STK32B: variants seen among roughly 807,000 people sequenced by gnomAD.
STK32B encodes serine/threonine kinase 32B.
A neutral mutation model predicts 52.6 loss-of-function variants in STK32B; 43 were observed. That is an observed-to-expected ratio of 0.82 (90% CI 0.64 to 1.05). STK32B has a LOEUF of 1.05. STK32B is among the 50% of genes least tolerant of loss of function. The pLI, the probability that STK32B is intolerant of heterozygous loss-of-function variation, is 0.00. For missense variants in STK32B, 621 were observed against 534.6 expected, an observed-to-expected ratio of 1.16 and a Z score of -1.59; for synonymous variants, 238 against 204.3, an observed-to-expected ratio of 1.17 and a Z score of -1.41.
intron 3 of STK32B, among the ~76,000 whole-genome samples, chr4:5,302,680 T>G (rs2108899090): frequency 6.6e-6 from 1 of 152,222 alleles, no homozygotes; most frequent in East Asian, 1.9e-4. Context: ...AGCAGTGATT[T>G]CCGAGATTCT....
intron 4 of STK32B, among the ~76,000 whole-genome samples, chr4:5,343,776 A>G (rs1733262396): frequency 6.6e-6 from 1 of 152,216 alleles, no homozygotes; most frequent in Non-Finnish European, 1.5e-5. Flanking sequence ...CATTAGAGTG[A>G]ATAGGCAACC....
chr4:5,251,549 C>G (rs529868044), intron 3 of STK32B, among the ~76,000 whole-genome samples: 11 of 152,098 alleles, frequency 7.2e-5, no homozygotes, highest in Admixed American at 1.3e-4. Context: ...CTTAGTATTC[C>G]TTAGTTATTC....
At chr4:5,461,249 GAC>G (rs943576836) in intron 9 of STK32B, among the ~76,000 whole-genome samples, 1 of 152,172 alleles carries the variant, frequency 6.6e-6, no homozygotes, top group African/African-American at 2.4e-5. Context: ...GCAGGAAAGA[GAC>G]AACATTTGCT....
At chr4:5,240,670 G>A (rs1013598065) in intron 3 of STK32B, among the ~76,000 whole-genome samples, 9 of 152,132 alleles carry the variant, frequency 5.9e-5, no homozygotes, top group African/African-American at 2.2e-4. Context: ...ATGTTGGCCA[G>A]GCTGGTTTTG....
At chr4:5,446,638 A>C (rs965843478) in intron 6 of STK32B, 35 bp from the exon 7 acceptor site, 1 of 1,581,572 alleles carries the variant, frequency 6.3e-7, no homozygotes, top group East Asian at 2.2e-5. Flanking sequence ...AAACTGGGAT[A>C]CACAATGATG....
At chr4:5,439,052 G>T (rs76795211) in intron 6 of STK32B, among the ~76,000 whole-genome samples, 18,240 of 149,228 alleles carry the variant, frequency 0.12, 1,248 homozygotes, top group East Asian at 0.28. Flanking sequence ...GAATAATGCC[G>T]CAATAAACAT....
chr4:5,287,192 C>T (rs1337073348), intron 3 of STK32B, among the ~76,000 whole-genome samples: 1 of 152,154 alleles, frequency 6.6e-6, no homozygotes, highest in Non-Finnish European at 1.5e-5. Context: ...CAAGTCGTTT[C>T]CCAAAGGGTT....
At chr4:5,256,209 A>G (rs1271211777) in intron 3 of STK32B, among the ~76,000 whole-genome samples, 1 of 152,188 alleles carries the variant, frequency 6.6e-6, no homozygotes, top group Non-Finnish European at 1.5e-5. Flanking sequence ...GTGGCCTCTG[A>G]TCACCACATG....
At chr4:5,488,976 G>A (rs1197619239) in intron 11 of STK32B, among the ~76,000 whole-genome samples, 1 of 151,850 alleles carries the variant, frequency 6.6e-6, no homozygotes, top group Non-Finnish European at 1.5e-5. Context: ...AATGTTATAT[G>A]TTAATTAAAA....
At position 5,444,263 on chromosome 4, in the gene STK32B, T is replaced by C. The variant is rs570570832; in HGVS notation, c.563-2410T>C. 2.4e-3 allele frequency among the ~76,000 whole-genome samples: 373 copies of C among 152,288 alleles called. 2 individuals carry two copies. The highest frequency in any genetic ancestry group is 0.014 in the Middle Eastern group (4 of 294). On this transcript the variant is annotated intron_variant, in intron 6 of 11. Transcript: ENST00000282908. ...CTAGCAATCAGCGAGACTCCGTGGGTGTAGGACCCTCCAAGTCAGGTGCGG... is the reference window on the plus strand; with the variant it reads ...CTAGCAATCAGCGAGACTCCGTGGGCGTAGGACCCTCCAAGTCAGGTGCGG...
intron 1 of STK32B, 182 bp from the exon 2 acceptor site, chr4:5,139,723 G>T: frequency 3.3e-6 from 2 of 614,584 alleles, no homozygotes; most frequent in Non-Finnish European, 5.8e-6. Flanking sequence ...GTGTGCTGGG[G>T]AAAAAATGGA....
At position 5,460,005 on chromosome 4, in the gene STK32B, A is replaced by T; in HGVS notation, c.784-98A>T. The T allele has an allele frequency of 6.4e-7, 1 of 1,556,628 alleles. No individual in the cohort carries two copies. Among genetic ancestry groups the T allele is most frequent in the Non-Finnish European group, 8.8e-7 (1 of 1,133,234 alleles). ...ACAACATCAATAGAGCGTGAAGAGC[A>T]GAGGCACATTAATTGCCCTGAGACC... is the stretch of plus-strand genomic sequence containing the variant. On this transcript the variant is annotated intron_variant, in intron 8 of 11. Transcript: ENST00000282908. The surrounding 1 kb of genome is among the most constrained non-coding windows in gnomAD (Gnocchi z 4.8).
Position 5,111,983 on chromosome 4 carries a change from G to A in STK32B, c.53-27922G>A, listed in dbSNP as rs1316213749. On this transcript the variant is annotated intron_variant, in intron 1 of 11. Coordinates refer to ENST00000282908, the MANE Select transcript of STK32B (RefSeq NM_018401.3). ...GGGCATGTGCACACTTTAGTAAGCA[G>A]TGCATAACATGTCTTAAAATCATCC... is the stretch of plus-strand genomic sequence containing the variant. 5.9e-5 allele frequency among the ~76,000 whole-genome samples: 9 copies of A among 152,180 alleles called. 1 individual carries two copies. The highest frequency in any genetic ancestry group is 5.9e-4 in the Admixed American group (9 of 15,280).
chr4:5,112,053 A>G (rs980241837), intron 1 of STK32B, among the ~76,000 whole-genome samples: 1 of 152,188 alleles, frequency 6.6e-6, no homozygotes, highest in Admixed American at 6.5e-5. Flanking sequence ...ACCCATGCCC[A>G]TCAGTCACCA....
At chr4:5,484,242 T>C (rs1314564405) in intron 11 of STK32B, among the ~76,000 whole-genome samples, 1 of 152,186 alleles carries the variant, frequency 6.6e-6, no homozygotes, top group East Asian at 1.9e-4. Flanking sequence ...TGTAGGTCTC[T>C]AAGGACTTGC....
intron 3 of STK32B, among the ~76,000 whole-genome samples, chr4:5,174,878 A>G (rs1280065744): frequency 6.6e-6 from 1 of 152,148 alleles, no homozygotes; most frequent in African/African-American, 2.4e-5. Context: ...GTTCTCCTGG[A>G]TAATATCCTG....
intron 1 of STK32B, among the ~76,000 whole-genome samples, chr4:5,082,190 A>C (rs1477799318): frequency 4.6e-5 from 7 of 152,042 alleles, no homozygotes; most frequent in Admixed American, 2.6e-4. Flanking sequence ...CCAGGTACTG[A>C]GAGCCTCCCA....
At chr4:5,149,733 A>T (rs1031386822) in intron 2 of STK32B, among the ~76,000 whole-genome samples, 7 of 151,776 alleles carry the variant, frequency 4.6e-5, no homozygotes, top group Non-Finnish European at 7.4e-5. Flanking sequence ...TATATGTATA[A>T]TTAAATAGAA....
At chr4:5,445,635 C>G (rs1013371409) in intron 6 of STK32B, among the ~76,000 whole-genome samples, 2 of 152,082 alleles carry the variant, frequency 1.3e-5, no homozygotes, top group Non-Finnish European at 2.9e-5. Flanking sequence ...GCCTCCATCC[C>G]CTTCGCTGTA....
Sources: allele counts gnomAD v4.1 joint callset (sites outside exome capture counted in the v4.1 genomes callset), GRCh38; gene constraint gnomAD v4.1.1; non-coding constraint Gnocchi (gnomAD v3.1); transcripts MANE v1.5; gene names NCBI Gene and HGNC (gene_info 2026-07-23, HGNC 2026-07-21).